NCALD: variants seen among roughly 807,000 people sequenced by gnomAD.
The protein encoded by NCALD is neurocalcin delta.
A neutral mutation model predicts 18.6 loss-of-function variants in NCALD; 10 were observed. The ratio of observed to expected loss-of-function variants is 0.54; its 90% CI spans 0.33 to 0.91. The LOEUF (loss-of-function observed/expected upper bound fraction) is 0.91. Ranked by LOEUF, NCALD falls within the 40% of genes least tolerant of loss-of-function variation. The pLI, the probability that NCALD is intolerant of heterozygous loss-of-function variation, is 0.03. For missense variants in NCALD, 184 were observed against 247.6 expected, an observed-to-expected ratio of 0.74 and a Z score of 1.72; for synonymous variants, 88 against 87.4, an observed-to-expected ratio of 1.01 and a Z score of -0.04.
At chr8:101,839,377 T>A (rs1366265808) in intron 4 of NCALD, among the ~76,000 whole-genome samples, 2 of 152,096 alleles carry the variant, frequency 1.3e-5, no homozygotes, top group Non-Finnish European at 2.9e-5. Context: ...AGGTGGAACG[T>A]AAGGCTCAAG....
At chr8:101,785,767 T>C (rs1462958064) in intron 1 of NCALD, 1 of 152,218 alleles carries the variant, frequency 6.6e-6, no homozygotes, top group Non-Finnish European at 1.5e-5. Context: ...AAATACTCTC[T>C]AGGTCGGTCC....
At chr8:102,021,138 G>C (rs987384579) in intron 1 of NCALD, among the ~76,000 whole-genome samples, 1 of 152,094 alleles carries the variant, frequency 6.6e-6, no homozygotes, top group Non-Finnish European at 1.5e-5. Flanking sequence ...TGTCTTCCCT[G>C]TAAGTTCACA....
At chr8:101,957,294 T>TG (rs1819667863) in intron 2 of NCALD, among the ~76,000 whole-genome samples, 1 of 143,380 alleles carries the variant, frequency 7.0e-6, no homozygotes, top group East Asian at 2.0e-4. Flanking sequence ...TTGGGGTTTT[T>TG]TTTTTTTTTT....
Position 101,804,801 on chromosome 8 carries a change from G to A in NCALD, c.-20+82340C>T, listed in dbSNP as rs563334754. Among the ~76,000 whole-genome samples, 39 of 149,890 alleles carry A rather than the reference G, an allele frequency of 2.6e-4. No individual in the cohort carries two copies. In the South Asian group the frequency reaches 5.9e-3, roughly 23 times the overall value. On this transcript the variant is annotated intron_variant, in intron 4 of 6. Coordinates refer to the NCALD transcript ENST00000311028. ...TATAAACATAACTTTTATATGTACC[G>A]AGAAACCAAAACATTTGTGTGACTC...
At chr8:101,837,382 A>C (rs1015775027) in intron 4 of NCALD, among the ~76,000 whole-genome samples, 17 of 152,248 alleles carry the variant, frequency 1.1e-4, no homozygotes, top group African/African-American at 4.1e-4. Flanking sequence ...CAAAGACCAC[A>C]TAGGCATAAA....
intron 3 of NCALD, among the ~76,000 whole-genome samples, chr8:101,912,806 C>CA: frequency 6.6e-6 from 1 of 152,338 alleles, no homozygotes; most frequent in Non-Finnish European, 1.5e-5. Context: ...TGATTTTCAG[C>CA]AAACGAAATA....
chr8:102,117,789 A>G (rs1825834894), intron 1 of NCALD, among the ~76,000 whole-genome samples: 1 of 152,234 alleles, frequency 6.6e-6, no homozygotes, highest in Non-Finnish European at 1.5e-5. Context: ...GGATCTGAGC[A>G]GGCACCCACA....
chr8:101,796,538 G>A (rs559737254), intron 4 of NCALD, among the ~76,000 whole-genome samples: 27 of 151,956 alleles, frequency 1.8e-4, no homozygotes, highest in Admixed American at 3.3e-4. Context: ...TACAATGGAA[G>A]GTAAAAGTAC....
rs142856026 is a variant in NCALD, at chr8:101,858,659, T to C, written c.-20+28482A>G. On this transcript the variant is annotated intron_variant, in intron 4 of 6. Coordinates refer to the NCALD transcript ENST00000311028. ...TGGCAAAATACTGGAGGATTTCTCT[T>C]GGAAGAAATAGAATAGCCCTAGGGA... Among the ~76,000 whole-genome samples the C allele has an allele frequency of 1.8e-3, 275 of 152,170 alleles. 1 individual carries two copies. The highest frequency in any genetic ancestry group is 4.8e-3 in the Admixed American group (74 of 15,272).
intron 1 of NCALD, among the ~76,000 whole-genome samples, chr8:101,760,449 G>A (rs900742220): frequency 2.2e-4 from 33 of 152,192 alleles, no homozygotes; most frequent in Non-Finnish European, 7.3e-5. Context: ...GGAGGGGGAA[G>A]GGACCTCCAT....
chr8:101,964,518 T>A (rs560904068), intron 2 of NCALD, among the ~76,000 whole-genome samples: 1 of 152,242 alleles, frequency 6.6e-6, no homozygotes, highest in African/African-American at 2.4e-5. Flanking sequence ...GGAAACAGTA[T>A]GAGGAGAGCA....
chr8:101,957,103 T>G (rs1819655621), intron 2 of NCALD, among the ~76,000 whole-genome samples: 1 of 152,140 alleles, frequency 6.6e-6, no homozygotes, highest in Non-Finnish European at 1.5e-5. Flanking sequence ...TCTTGCTTTG[T>G]TGAGAGGGAT....
At chr8:101,815,368 G>T (rs73275570) in intron 4 of NCALD, among the ~76,000 whole-genome samples, 11,122 of 151,628 alleles carry the variant, frequency 0.073, 1,365 homozygotes, top group African/African-American at 0.25. Flanking sequence ...ATAGAGCACA[G>T]ATAGTCTTTT....
chr8:101,714,855 G>A (rs1342030474), intron 2 of NCALD, among the ~76,000 whole-genome samples: 1 of 150,884 alleles, frequency 6.6e-6, no homozygotes, highest in Non-Finnish European at 1.5e-5. Flanking sequence ...AAATTAGCCG[G>A]GCGCGGTGGC....
chr8:101,932,924 C>A (rs1156875096), intron 2 of NCALD, among the ~76,000 whole-genome samples: 3 of 152,206 alleles, frequency 2.0e-5, no homozygotes, highest in African/African-American at 7.2e-5. Context: ...CACACACACA[C>A]AAAATTTAGA....
At chr8:101,861,630 T>C (rs1815547025) in intron 4 of NCALD, among the ~76,000 whole-genome samples, 1 of 152,020 alleles carries the variant, frequency 6.6e-6, no homozygotes, top group Non-Finnish European at 1.5e-5. Context: ...AATTACAATC[T>C]AAAAGAACAA....
chr8:102,005,919 T>C (rs1263574285), intron 2 of NCALD, among the ~76,000 whole-genome samples: 11 of 151,234 alleles, frequency 7.3e-5, no homozygotes, highest in Admixed American at 5.9e-4. Flanking sequence ...TTAGGAGATA[T>C]ACCTAATGTA....
intron 1 of NCALD, among the ~76,000 whole-genome samples, chr8:101,746,767 A>T (rs910311686): frequency 6.6e-6 from 1 of 151,982 alleles, no homozygotes; most frequent in African/African-American, 2.4e-5. Context: ...AACTGGATAA[A>T]TGTAAATTTT....
intron 3 of NCALD, among the ~76,000 whole-genome samples, chr8:101,908,181 T>C (rs1454991846): frequency 1.3e-5 from 2 of 152,176 alleles, no homozygotes; most frequent in African/African-American, 4.8e-5. Context: ...CCGAATAGCA[T>C]GGAAAAACAA....
Sources: gnomAD v4.1 joint callset for allele counts (sites outside exome capture counted in the v4.1 genomes callset) on GRCh38, gnomAD v4.1.1 for gene constraint, MANE v1.5 for transcripts, NCBI Gene and HGNC (gene_info 2026-07-23, HGNC 2026-07-21) for gene names.